Variants in FRMD6 observed in about 807,000 individuals in gnomAD.
FRMD6 encodes FERM domain containing 6.
Under a neutral mutation model 73.2 loss-of-function variants are expected in FRMD6, and 37 were observed. The observed-to-expected ratio is 0.51, with a 90% CI of 0.39 to 0.66. The LOEUF is 0.66. Among genes scored for constraint, FRMD6 ranks in the 30% least tolerant of loss-of-function variants. FRMD6 has a pLI of 0.00. For missense variants in FRMD6, 714 were observed against 780.5 expected (o/e 0.91, Z 1.02); for synonymous variants, 273 against 282.2 (o/e 0.97, Z 0.33).
At position 51,725,680 on chromosome 14, in the gene FRMD6, T is replaced by C. The variant is rs1897909340; in HGVS notation, c.1493-99T>C. ...TGAAACTTTTTGGTAATGGTTAATA[T>C]TTGATTTTTCATTCCTGATAGCAAT... is the stretch of plus-strand genomic sequence containing the variant. On this transcript the variant is annotated intron_variant, in intron 12 of 13. Coordinates refer to ENST00000344768, the MANE Select transcript of FRMD6 (RefSeq NM_001267046.2). 5 of 924,728 alleles carry C rather than the reference T, an allele frequency of 5.4e-6. No homozygotes were observed. In the South Asian group the frequency reaches 5.7e-5, roughly 11 times the overall value. The allele number at this position is 924,728 out of a possible 1,614,324, so 57.3% of individuals were successfully genotyped here. A position where few individuals can be genotyped will look rare whatever the true frequency, so the allele number is the denominator to read the frequency against.
intron 1 of FRMD6, among the ~76,000 whole-genome samples, chr14:51,533,503 C>T (rs1012345208): frequency 9.9e-5 from 15 of 152,176 alleles, no homozygotes; most frequent in African/African-American, 1.2e-4. Flanking sequence ...ATAGAGATTA[C>T]GGCTGACTCT....
chr14:51,640,682 A>G (rs1166668722), intron 2 of FRMD6, among the ~76,000 whole-genome samples: 1 of 152,238 alleles, frequency 6.6e-6, no homozygotes, highest in Non-Finnish European at 1.5e-5. Flanking sequence ...ATGAACAATA[A>G]AAGTATAAAA....
At chr14:51,493,660 T>C (rs1344038064) in intron 1 of FRMD6, among the ~76,000 whole-genome samples, 5 of 152,224 alleles carry the variant, frequency 3.3e-5, no homozygotes, top group Non-Finnish European at 2.9e-5. Context: ...TGAGAACTAA[T>C]ACACGAGGAA....
intron 1 of FRMD6, among the ~76,000 whole-genome samples, chr14:51,550,206 A>G (rs76114806): frequency 0.011 from 1,707 of 151,948 alleles, 25 homozygotes; most frequent in African/African-American, 0.039. Context: ...TAAATCCACC[A>G]TTTCTTTTGG....
the FRMD6 span, chr14:51,436,513 A>G: frequency 1.5e-6 from 1 of 648,662 alleles, no homozygotes; most frequent in Non-Finnish European, 2.7e-6. Flanking sequence ...CATCTGAATG[A>G]GAGAGGTGAT....
At chr14:51,553,486 A>T (rs1024541386) in intron 1 of FRMD6, among the ~76,000 whole-genome samples, 1 of 152,210 alleles carries the variant, frequency 6.6e-6, no homozygotes, top group Non-Finnish European at 1.5e-5. Flanking sequence ...ATTATTGAGC[A>T]TTTATAAGAA....
At chr14:51,459,647 G>A in the FRMD6 span, among the ~76,000 whole-genome samples, 1 of 151,830 alleles carries the variant, frequency 6.6e-6, no homozygotes, top group East Asian at 1.9e-4. Context: ...CTAACATGGC[G>A]AAACCCCGTC....
chr14:51,401,510 C>T, the FRMD6 span, among the ~76,000 whole-genome samples: 8 of 152,182 alleles, frequency 5.3e-5, no homozygotes, highest in Admixed American at 1.3e-4. Flanking sequence ...CTGCAAGGAA[C>T]ATTTTGAACT....
the FRMD6 span, among the ~76,000 whole-genome samples, chr14:51,443,707 T>A: frequency 6.6e-6 from 1 of 152,136 alleles, no homozygotes; most frequent in Admixed American, 6.5e-5. Flanking sequence ...ATCCCCATCT[T>A]CCAAGAGAAA....
upstream of FRMD6, among the ~76,000 whole-genome samples, chr14:51,485,624 A>G (rs1882746682): frequency 7.4e-6 from 1 of 135,952 alleles, no homozygotes; most frequent in South Asian, 2.5e-4. Context: ...CAAATTTCTA[A>G]TTTCTGCATT....
chr14:51,530,294 C>A (rs1431698611), intron 1 of FRMD6, among the ~76,000 whole-genome samples: 1 of 152,144 alleles, frequency 6.6e-6, no homozygotes, highest in Non-Finnish European at 1.5e-5. Flanking sequence ...ACACTGGAAG[C>A]TGAAATGGGG....
the FRMD6 span, among the ~76,000 whole-genome samples, chr14:51,444,184 C>T: frequency 6.6e-6 from 1 of 152,222 alleles, no homozygotes; most frequent in East Asian, 1.9e-4. Flanking sequence ...CCGCCTTGGC[C>T]TCCCAAAGTG....
At chr14:51,565,174 G>C (rs1887706594) in intron 1 of FRMD6, 1 of 152,246 alleles carries the variant, frequency 6.6e-6, no homozygotes, top group Admixed American at 6.5e-5. Flanking sequence ...TGGAGCCAAG[G>C]AAGATGAAAG....
Position 51,633,173 on chromosome 14 carries a change from T to C in FRMD6, c.-146-56518T>C, listed in dbSNP as rs571887436. On this transcript the variant is annotated intron_variant, in intron 2 of 14. Transcript: ENST00000356218. ...CAAGTCTTTTTATAGTTTCAAATTT[T>C]ACATGATGAAAAGTTTTTTAAATAC... Among the ~76,000 whole-genome samples the C allele has an allele frequency of 3.9e-5, 6 of 152,316 alleles. No homozygotes were observed. In the South Asian group the frequency reaches 1.2e-3, roughly 32 times the overall value.
chr14:51,662,016 T>C (rs1249067670), intron 1 of FRMD6, among the ~76,000 whole-genome samples: 1 of 152,184 alleles, frequency 6.6e-6, no homozygotes. Context: ...GGTAGGGCTC[T>C]AGTATATAGA....
At chr14:51,663,740 T>C (rs577721957) in intron 1 of FRMD6, among the ~76,000 whole-genome samples, 1 of 152,314 alleles carries the variant, frequency 6.6e-6, no homozygotes, top group South Asian at 2.1e-4. Flanking sequence ...TACCCTTGAA[T>C]TTAAAATAAA....
At chr14:51,397,143 A>C in the FRMD6 span, 1 of 152,314 alleles carries the variant, frequency 6.6e-6, no homozygotes, top group African/African-American at 2.4e-5. Context: ...ACTGGAACAT[A>C]GATCCACGCT....
At chr14:51,673,855 A>G (rs941904253) in intron 1 of FRMD6, among the ~76,000 whole-genome samples, 1 of 152,236 alleles carries the variant, frequency 6.6e-6, no homozygotes, top group African/African-American at 2.4e-5. Flanking sequence ...TTTGTGGTGC[A>G]TGTGACAAGT....
At chr14:51,446,445 G>GACACACACACACACGC in the FRMD6 span, among the ~76,000 whole-genome samples, 1 of 139,120 alleles carries the variant, frequency 7.2e-6, no homozygotes, top group Non-Finnish European at 1.5e-5. Context: ...CTCTTGTGTA[G>GACACACACACACACGC]ACACACACAC....
Sources: gnomAD v4.1 joint callset for allele counts (sites outside exome capture counted in the v4.1 genomes callset) on GRCh38, gnomAD v4.1.1 for gene constraint, MANE v1.5 for transcripts, NCBI Gene and HGNC (gene_info 2026-07-23, HGNC 2026-07-21) for gene names.